Variants in SLC6A16 observed in about 807,000 individuals in gnomAD.
The protein encoded by SLC6A16 is orphan sodium- and chloride-dependent neurotransmitter transporter NTT5.
In SLC6A16, 54 loss-of-function variants were observed where a neutral mutation model predicts 65.4. That is an observed-to-expected ratio of 0.83 (90% CI 0.66 to 1.04). The LOEUF (loss-of-function observed/expected upper bound fraction) is 1.04, where lower values mean the gene tolerates loss of function less well. SLC6A16 is among the 50% of genes least tolerant of loss of function. The pLI, the probability that SLC6A16 is intolerant of heterozygous loss-of-function variation, is 0.00. For synonymous variants in SLC6A16, 330 were observed against 346.5 expected, an observed-to-expected ratio of 0.95 and a Z score of 0.53; for missense variants, 816 against 914.0, an observed-to-expected ratio of 0.89 and a Z score of 1.38.
chr19:49,313,596 A>G (rs1970564321), intron 1 of SLC6A16, among the ~76,000 whole-genome samples: 1 of 148,076 alleles, frequency 6.8e-6, no homozygotes, highest in South Asian at 2.1e-4. Context: ...CCTGGCCAAC[A>G]TGGCAAAACC....
chr19:49,308,343 C>T (rs1341744334), intron 7 of SLC6A16, among the ~76,000 whole-genome samples: 1 of 152,220 alleles, frequency 6.6e-6, no homozygotes, highest in African/African-American at 2.4e-5. Context: ...GTCCCAGCTA[C>T]TCAGGAGGCT....
the SLC6A16 span, chr19:49,340,131 C>A: frequency 6.5e-7 from 1 of 1,534,460 alleles, no homozygotes; most frequent in Non-Finnish European, 8.8e-7. Flanking sequence ...CTATCCCCTT[C>A]TCCAGCCCCT....
At chr19:49,322,163 T>C (rs188507200) in intron 1 of SLC6A16, among the ~76,000 whole-genome samples, 1 of 152,264 alleles carries the variant, frequency 6.6e-6, no homozygotes, top group African/African-American at 2.4e-5. Flanking sequence ...ATCTTATACG[T>C]AGAAAATCCT....
In SLC6A16 at chr19:49,290,721, T is replaced by A. The variant is rs1238739929; in HGVS notation, c.1825A>T (p.Ile609Phe). 6.2e-7 allele frequency: 1 copy of A among 1,613,260 alleles called. No homozygotes were observed. Among genetic ancestry groups the A allele is most frequent in the South Asian group, 1.1e-5 (1 of 90,856 alleles). Reference sequence around the variant, plus strand: ...AGATGGGGCCACAGCCAACCAAAGATGGGAGAGATGGGGTGGCCCAACAGG... The same window carrying A: ...AGATGGGGCCACAGCCAACCAAAGAAGGGAGAGATGGGGTGGCCCAACAGG... ...TILLGHPISP[I>F]FGWLWPHLCP... Residue 609 changes from isoleucine to phenylalanine, a missense_variant, in exon 11 of 12, where the codon ATC (isoleucine) becomes TTC (phenylalanine). By Grantham distance (21) the Ile-to-Phe change is conservative. Coordinates refer to ENST00000335875, the MANE Select transcript of SLC6A16 (RefSeq NM_014037.3).
intron 7 of SLC6A16, 73 bp from the exon 8 acceptor site, chr19:49,294,626 A>T: frequency 1.5e-6 from 2 of 1,318,466 alleles, no homozygotes; most frequent in South Asian, 1.4e-5. Context: ...CCTTATCTTC[A>T]AGATAAAAAA....
the SLC6A16 span, chr19:49,337,809 G>A: frequency 3.8e-6 from 6 of 1,563,870 alleles, no homozygotes; most frequent in Non-Finnish European, 4.3e-6. Context: ...TAGCCATTCA[G>A]TAAGGATTTG....
chr19:49,309,890 TCCC>T (rs1433956637), intron 4 of SLC6A16, 64 bp from the exon 5 acceptor site: 4 of 1,504,830 alleles, frequency 2.7e-6, no homozygotes, highest in African/African-American at 2.8e-5. Context: ...CCTTATCCCC[TCCC>T]CCACCTCCCT....
the SLC6A16 span, chr19:49,339,719 C>G: frequency 7.1e-7 from 1 of 1,401,138 alleles, no homozygotes; most frequent in Non-Finnish European, 9.2e-7. This position sits in a 1 kb window ranked among gnomAD's most constrained non-coding sequence, Gnocchi z 4.5. Flanking sequence ...AAATGCGAGC[C>G]GCACGTGCCG....
At chr19:49,309,467 G>T in intron 5 of SLC6A16, 56 bp from the exon 6 acceptor site, 5 of 1,413,274 alleles carry the variant, frequency 3.5e-6, no homozygotes, top group Admixed American at 1.8e-5. Flanking sequence ...TCAACCAACA[G>T]TTAGGAGGGA....
chr19:49,308,772 G>T, intron 7 of SLC6A16, 104 bp downstream of exon 7: 1 of 1,445,634 alleles, frequency 6.9e-7, no homozygotes, highest in Non-Finnish European at 9.5e-7. Context: ...TGCACCCAAG[G>T]TTGAAATGTG....
intron 1 of SLC6A16, among the ~76,000 whole-genome samples, chr19:49,314,550 G>A (rs1285493313): frequency 6.6e-6 from 1 of 152,108 alleles, no homozygotes; most frequent in Non-Finnish European, 1.5e-5. Context: ...AAAACAAGAT[G>A]ATGAAAATTT....
At chr19:49,317,673 G>A (rs572137689) in intron 1 of SLC6A16, among the ~76,000 whole-genome samples, 111 of 152,112 alleles carry the variant, frequency 7.3e-4, no homozygotes, top group Admixed American at 2.2e-3. Flanking sequence ...GGGCATGGTG[G>A]CGGGCGCCTG....
rs1970048351 is a variant in SLC6A16 at position 49,290,248 on chromosome 19, G to A, written c.2086C>T (p.Pro696Ser). The change falls in exon 12 of 12, where the codon CCT (proline) becomes TCT (serine). Residue 696 changes from proline (P) to serine (S), a missense_variant. Pro to Ser is a moderately conservative substitution (Grantham distance 74). Coordinates refer to ENST00000335875, the MANE Select transcript of SLC6A16 (RefSeq NM_014037.3). ...GGTAGGGATGTGGAGGCTGTCATAG[G>A]CCCGTCTCCGCTCTTGGGCCTGAAG... The part of the protein sequence containing the change: ...IPFRPKSGDG[P>S]MTASTSLPLS... 6.2e-7 allele frequency: 1 copy of A among 1,614,136 alleles called. No individual in the cohort carries two copies. Among genetic ancestry groups the A allele is most frequent in the Non-Finnish European group, 8.5e-7 (1 of 1,180,032 alleles).
chr19:49,299,282 G>T (rs578041513), intron 7 of SLC6A16, among the ~76,000 whole-genome samples: 58 of 151,288 alleles, frequency 3.8e-4, no homozygotes, highest in Admixed American at 2.6e-3. Context: ...GATGCCAGAA[G>T]CGGGCTCATG....
intron 7 of SLC6A16, among the ~76,000 whole-genome samples, chr19:49,298,168 G>C (rs1309530308): frequency 6.6e-6 from 1 of 152,140 alleles, no homozygotes; most frequent in Non-Finnish European, 1.5e-5. Context: ...AAGGTGTAGA[G>C]AAACAATGTT....
the SLC6A16 span, chr19:49,337,790 A>G: frequency 1.3e-6 from 2 of 1,548,136 alleles, no homozygotes; most frequent in Non-Finnish European, 1.7e-6. Context: ...GACCTGAAGT[A>G]CACAGAGCTA....
chr19:49,329,248 C>T (rs1970825656), upstream of SLC6A16, among the ~76,000 whole-genome samples: 1 of 151,600 alleles, frequency 6.6e-6, no homozygotes, highest in African/African-American at 2.4e-5. Flanking sequence ...GGGACCACAT[C>T]CAGCTAATTT....
At chr19:49,335,292 A>G in the SLC6A16 span, 1 of 532,500 alleles carries the variant, frequency 1.9e-6, no homozygotes, top group Middle Eastern at 5.0e-4. This position sits in a 1 kb window ranked among gnomAD's most constrained non-coding sequence, Gnocchi z 4.6. Flanking sequence ...AAGGCCCCTC[A>G]GGTACCAGAG....
intron 1 of SLC6A16, among the ~76,000 whole-genome samples, chr19:49,319,013 A>G (rs529504361): frequency 1.3e-5 from 2 of 151,758 alleles, no homozygotes; most frequent in East Asian, 3.9e-4. Flanking sequence ...ATGCCTAGCC[A>G]TGATATATTT....
Sources: gnomAD v4.1 joint callset for allele counts (sites outside exome capture counted in the v4.1 genomes callset) on GRCh38, gnomAD v4.1.1 for gene constraint, Gnocchi (gnomAD v3.1) non-coding constraint, MANE v1.5 for transcripts, NCBI Gene and HGNC (gene_info 2026-07-23, HGNC 2026-07-21) for gene names.